Variants in ATP5MG observed in about 807,000 individuals in gnomAD.
ATP5MG encodes the protein ATP synthase membrane subunit g, also known as ATP synthase F(0) complex subunit g, mitochondrial.
Under a neutral mutation model 12.7 loss-of-function variants are expected in ATP5MG, and 7 were observed. The ratio of observed to expected loss-of-function variants is 0.55; its 90% CI spans 0.31 to 1.04. ATP5MG has a LOEUF of 1.04. ATP5MG is among the 50% of genes least tolerant of loss of function. The pLI is 0.05. For missense variants in ATP5MG, 116 were observed against 126.7 expected, an observed-to-expected ratio of 0.92 and a Z score of 0.41; for synonymous variants, 53 against 48.2, an observed-to-expected ratio of 1.10 and a Z score of -0.41.
chr11:118,403,427 C>T (rs1238830066), intron 1 of ATP5MG, among the ~76,000 whole-genome samples: 4 of 151,854 alleles, frequency 2.6e-5, no homozygotes, highest in East Asian at 1.9e-4. Context: ...ACCCCGGAGG[C>T]GGAGGTTGCA....
At chr11:118,403,859 T>C (rs1385960091) in intron 1 of ATP5MG, 2 of 151,986 alleles carry the variant, frequency 1.3e-5, no homozygotes, top group Non-Finnish European at 2.9e-5. Context: ...TTGTGGGTGA[T>C]TTAAGGCACA....
chr11:118,401,704 G>C lies in ATP5MG; in HGVS notation c.39G>C (p.Pro13=). 3 of 1,613,512 alleles carry C rather than the reference G, an allele frequency of 1.9e-6. No homozygotes were observed. The highest frequency in any genetic ancestry group is 2.5e-6 in the Non-Finnish European group (3 of 1,179,632). The change falls in exon 1 of 3, where the codon CCG becomes CCC. Residue 13 remains proline (P), a synonymous_variant. Coordinates refer to ENST00000300688, the MANE Select transcript of ATP5MG (RefSeq NM_006476.5). ...TCCGTAACCTTGTGGAGAAGACCCC[G>C]GCGCTGGTGAACGGTGAGCGCGATG... ...QFVRNLVEKT[P]ALVNAAVTYS...
rs782025040 is a variant in ATP5MG at position 118,407,068 on chromosome 11, A to G, written c.184A>G (p.Thr62Ala). The G allele has an allele frequency of 4.3e-6, 7 of 1,614,032 alleles. No homozygotes were observed. In the Admixed American group the frequency reaches 1.2e-4, roughly 27 times the overall value. ...SLKKIVNSAQ[T>A]GSFKQLTVKE... ...GAAAAAAATAGTCAATAGTGCTCAGACTGGTAGCTTCAAACAGCTCACAGT... is the reference window on the plus strand; with the variant it reads ...GAAAAAAATAGTCAATAGTGCTCAGGCTGGTAGCTTCAAACAGCTCACAGT... The change falls in exon 2 of 3, where the codon ACT (threonine) becomes GCT (alanine). Residue 62 changes from threonine to alanine, a missense_variant. Coordinates refer to ENST00000300688, the MANE Select transcript of ATP5MG (RefSeq NM_006476.5).
chr11:118,404,802 C>T (rs1948958440), intron 1 of ATP5MG, among the ~76,000 whole-genome samples: 1 of 152,120 alleles, frequency 6.6e-6, no homozygotes, highest in East Asian at 1.9e-4. Flanking sequence ...GGATTCCATC[C>T]CCTGTAGGAG....
intron 1 of ATP5MG, among the ~76,000 whole-genome samples, chr11:118,403,238 G>A (rs184108360): frequency 6.6e-6 from 1 of 152,222 alleles, no homozygotes; most frequent in Non-Finnish European, 1.5e-5. Context: ...GCTTACGCCT[G>A]TAATCTCAGC....
intron 1 of ATP5MG, among the ~76,000 whole-genome samples, chr11:118,402,335 A>G (rs1159501088): frequency 6.6e-6 from 1 of 152,188 alleles, no homozygotes; most frequent in African/African-American, 2.4e-5. Context: ...AATCTTTGTT[A>G]CGAAGCTTAG....
chr11:118,404,743 G>C (rs781983635), intron 1 of ATP5MG, among the ~76,000 whole-genome samples: 2 of 152,156 alleles, frequency 1.3e-5, no homozygotes, highest in African/African-American at 4.8e-5. Flanking sequence ...TTCTATAGAA[G>C]CAAATAACTA....
Position 118,409,322 on chromosome 11 carries a change from T to G in ATP5MG, c.*224T>G, listed in dbSNP as rs547631155. ...AGCCCGCAATTGGAAAGGATATATG[T>G]GGCAATATTAACCTGGTACATGAAT... On this transcript the variant is annotated 3_prime_UTR_variant, in exon 3 of 3. Transcript: ENST00000300688. The G allele has an allele frequency of 4.1e-6, 1 of 246,528 alleles. No individual in the cohort carries two copies. Among genetic ancestry groups the G allele is most frequent in the African/African-American group, 2.3e-5 (1 of 44,260 alleles). 15.3% of individuals were successfully genotyped at this position (246,528 alleles called of 1,614,324 possible).
In ATP5MG at chr11:118,402,126, T is replaced by G. The variant is rs116192289; in HGVS notation, c.52+409T>G. Among the ~76,000 whole-genome samples the G allele has an allele frequency of 3.9e-3, 601 of 152,254 alleles. 6 individuals are homozygous for G. The highest frequency in any genetic ancestry group is 0.018 in the South Asian group (88 of 4,818). On this transcript the variant is annotated intron_variant, in intron 1 of 2. Transcript: ENST00000300688. The stretch of plus-strand genomic sequence containing the variant: ...CAATTCGGCCTCATTACATGTGGTG[T>G]TGTTCTCAGTGGAGTATTTGGAAGT...
chr11:118,407,258 T>G, intron 2 of ATP5MG, 161 bp downstream of exon 2: 1 of 1,074,204 alleles, frequency 9.3e-7, no homozygotes, highest in Non-Finnish European at 1.3e-6. Context: ...ACTTTTCTAA[T>G]TTTGTCACCT....
At chr11:118,403,143 C>G (rs1555131421) in intron 1 of ATP5MG, among the ~76,000 whole-genome samples, 2 of 152,212 alleles carry the variant, frequency 1.3e-5, no homozygotes, top group Non-Finnish European at 2.9e-5. Context: ...GCAAGAAAAT[C>G]TTTTACTTTA....
chr11:118,402,111 T>C (rs897484362), intron 1 of ATP5MG, among the ~76,000 whole-genome samples: 2 of 152,150 alleles, frequency 1.3e-5, no homozygotes, highest in Non-Finnish European at 2.9e-5. Context: ...CAATTCGGCC[T>C]CATTACATGT....
chr11:118,402,824 T>C (rs2134124929), intron 1 of ATP5MG, among the ~76,000 whole-genome samples: 1 of 151,602 alleles, frequency 6.6e-6, no homozygotes, highest in South Asian at 2.1e-4. Context: ...CTCAGCCTCC[T>C]GAGTAGCTGG....
rs565270317 is a variant in ATP5MG, at chr11:118,409,263, T to C, written c.*165T>C. The C allele has an allele frequency of 4.4e-4, 175 of 402,236 alleles. 1 individual carries two copies. The highest frequency in any genetic ancestry group is 3.3e-3 in the African/African-American group (157 of 47,434). The allele number at this position is 402,236 out of a possible 1,614,324, so 24.9% of individuals were successfully genotyped here. On this transcript the variant is annotated 3_prime_UTR_variant, in exon 3 of 3. Transcript: ENST00000300688. ...CAATTTCTCTTGATATTAAGCTGGG[T>C]TGTCTTTAAACAACCCTAAATACAC...
At chr11:118,407,175 A>AAC (rs1413005726) in intron 2 of ATP5MG, 78 bp downstream of exon 2, 2 of 1,571,566 alleles carry the variant, frequency 1.3e-6, no homozygotes, top group Middle Eastern at 1.7e-4. Context: ...TGTTTTGATT[A>AAC]ATATATATGT....
At chr11:118,403,725 G>T (rs1378172542) in intron 1 of ATP5MG, among the ~76,000 whole-genome samples, 1 of 151,158 alleles carries the variant, frequency 6.6e-6, no homozygotes, top group Non-Finnish European at 1.5e-5. Context: ...CCCAGGAGGC[G>T]GAGGTTGCAG....
intron 2 of ATP5MG, 143 bp downstream of exon 2, chr11:118,407,240 A>C (rs1251671803): frequency 8.2e-7 from 1 of 1,218,268 alleles, no homozygotes; most frequent in Non-Finnish European, 1.1e-6. Context: ...CTGCTGAGGA[A>C]GATACTTACT....
At chr11:118,407,806 AG>A (rs1948985502) in intron 2 of ATP5MG, among the ~76,000 whole-genome samples, 1 of 152,244 alleles carries the variant, frequency 6.6e-6, no homozygotes, top group Non-Finnish European at 1.5e-5. Flanking sequence ...CAGGAGTTAG[AG>A]GAGGCAGTGA....
chr11:118,408,953 A>T (rs1948994805), intron 2 of ATP5MG, 47 bp from the exon 3 acceptor site: 3 of 461,770 alleles, frequency 6.5e-6, no homozygotes, highest in Non-Finnish European at 1.0e-5. Context: ...ATATATAATT[A>T]TATATATATA....
Sources: gnomAD v4.1 joint callset for allele counts (sites outside exome capture counted in the v4.1 genomes callset) on GRCh38, gnomAD v4.1.1 for gene constraint, MANE v1.5 for transcripts, NCBI Gene and HGNC (gene_info 2026-07-23, HGNC 2026-07-21) for gene names.